The following TMEM132B variants were observed in gnomAD, a reference collection of about 807,000 sequenced individuals.
TMEM132B encodes the protein transmembrane protein 132B.
TMEM132B carries 18 observed loss-of-function variants against 90.8 expected under a neutral mutation model. The ratio of observed to expected loss-of-function variants is 0.20; its 90% confidence interval spans 0.14 to 0.29. The LOEUF is 0.29. Among genes scored for constraint, TMEM132B ranks in the 10% least tolerant of loss-of-function variants. The probability of loss-of-function intolerance (pLI) is 1.00; values close to 1 mark genes in which losing one functional copy is unlikely to be tolerated. For missense variants in TMEM132B, 1,096 were observed against 1,326.8 expected, an observed-to-expected ratio of 0.83 and a Z score of 2.70; for synonymous variants, 504 against 523.3, an observed-to-expected ratio of 0.96 and a Z score of 0.50.
At chr12:125,268,152 C>T (rs1334360196) in intron 1 of TMEM132B, among the ~76,000 whole-genome samples, 1 of 152,230 alleles carries the variant, frequency 6.6e-6, no homozygotes, top group Non-Finnish European at 1.5e-5. Context: ...TATCCTCTGA[C>T]TGGCAGAGCT....
At chr12:125,284,913 CTATTA>C (rs999199622) in intron 1 of TMEM132B, among the ~76,000 whole-genome samples, 27 of 152,268 alleles carry the variant, frequency 1.8e-4, no homozygotes, top group African/African-American at 6.0e-4. Flanking sequence ...AGTCCTTATT[CTATTA>C]TATTAACTAC....
In TMEM132B at chr12:125,519,504, C is replaced by A. The variant is rs761700038; in HGVS notation, c.1172C>A (p.Ala391Asp). The A allele has an allele frequency of 1.2e-6, 2 of 1,614,084 alleles. No homozygotes were observed. The highest frequency in any genetic ancestry group is 1.7e-6 in the Non-Finnish European group (2 of 1,179,990). The change falls in exon 4 of 9, where the codon GCT (alanine) becomes GAT (aspartate). Residue 391 changes from alanine to aspartate, a missense_variant. Physicochemically the swap from Ala to Asp is moderately radical, Grantham distance 126. Coordinates refer to ENST00000682704, the MANE Select transcript of TMEM132B (RefSeq NM_001366854.1). ...GGAATTGATAATAGCAGTGACCTGG[C>A]TGGGGCCCAGCAGATTACCTGGCAG... ...DFGIDNSSDLAGAQQITWQVE... is the reference protein window; with the variant it reads ...DFGIDNSSDLDGAQQITWQVE...
chr12:125,400,892 A>G (rs1879300905), intron 2 of TMEM132B, among the ~76,000 whole-genome samples: 2 of 152,146 alleles, frequency 1.3e-5, no homozygotes, highest in South Asian at 4.1e-4. Flanking sequence ...CCCAAACAGT[A>G]TTGCCCACAG....
intron 4 of TMEM132B, among the ~76,000 whole-genome samples, chr12:125,569,081 G>A (rs1256657898): frequency 6.6e-6 from 1 of 152,140 alleles, no homozygotes; most frequent in African/African-American, 2.4e-5. Flanking sequence ...GGTAATGACA[G>A]TAGCTGCTCT....
intron 4 of TMEM132B, among the ~76,000 whole-genome samples, chr12:125,538,125 A>T (rs1015259574): frequency 1.3e-5 from 2 of 152,192 alleles, no homozygotes; most frequent in African/African-American, 4.8e-5. Context: ...TTGGATGGAA[A>T]CATTGTCGAT....
intron 2 of TMEM132B, among the ~76,000 whole-genome samples, chr12:125,394,349 G>A (rs1302098649): frequency 2.0e-5 from 3 of 152,334 alleles, no homozygotes; most frequent in South Asian, 2.1e-4. Flanking sequence ...AGGGGAGAGC[G>A]TTAAGGTGGG....
intron 1 of TMEM132B, among the ~76,000 whole-genome samples, chr12:125,279,921 A>G (rs915131329): frequency 6.6e-6 from 1 of 152,232 alleles, no homozygotes; most frequent in Non-Finnish European, 1.5e-5. Flanking sequence ...AAATTACACA[A>G]TGTGCCAGGT....
intron 2 of TMEM132B, among the ~76,000 whole-genome samples, chr12:125,363,672 T>C (rs199605191): frequency 1.0e-3 from 152 of 152,256 alleles, no homozygotes; most frequent in African/African-American, 3.6e-3. Flanking sequence ...GTACTTCTTT[T>C]CAATGATCTT....
intron 3 of TMEM132B, among the ~76,000 whole-genome samples, chr12:125,453,838 A>G (rs1881219499): frequency 6.6e-6 from 1 of 152,158 alleles, no homozygotes; most frequent in Non-Finnish European, 1.5e-5. Flanking sequence ...CAGAGCATGC[A>G]GGATGCTCAG....
rs372354078 is a variant in TMEM132B, at chr12:125,653,810, C to T, written c.2352C>T (p.Ala784=). 6.9e-5 allele frequency: 112 copies of T among 1,614,018 alleles called. No individual in the cohort carries two copies. Among genetic ancestry groups the T allele is most frequent in the Middle Eastern group, 4.9e-4 (3 of 6,062 alleles). The change falls in exon 9 of 9, where the codon GCC becomes GCT. Residue 784 remains alanine (A), a synonymous_variant. Coordinates refer to ENST00000682704, the MANE Select transcript of TMEM132B (RefSeq NM_001366854.1). ...CQKTKRKSVL[A]VGKGNVKVKF... ...AGACCAAGAGGAAGAGTGTTCTTGC[C>T]GTGGGTAAAGGAAATGTCAAGGTCA...
chr12:125,469,010 A>G (rs1184731751), intron 3 of TMEM132B, among the ~76,000 whole-genome samples: 1 of 152,202 alleles, frequency 6.6e-6, no homozygotes, highest in African/African-American at 2.4e-5. Context: ...CTATCAAATC[A>G]TATTACCTGT....
chr12:125,267,593 T>C (rs1874725541), intron 1 of TMEM132B, among the ~76,000 whole-genome samples: 1 of 152,152 alleles, frequency 6.6e-6, no homozygotes, highest in African/African-American at 2.4e-5. Context: ...GTTTCTCTAC[T>C]ATACAGAAAC....
intron 3 of TMEM132B, among the ~76,000 whole-genome samples, chr12:125,456,081 G>A (rs528029180): frequency 1.3e-5 from 2 of 152,266 alleles, no homozygotes; most frequent in Admixed American, 6.5e-5. Context: ...GTGGCAGGCC[G>A]AATTTGGCCC....
intron 3 of TMEM132B, among the ~76,000 whole-genome samples, chr12:125,514,388 GTCCCCGTC>G (rs1274129406): frequency 6.6e-6 from 1 of 152,160 alleles, no homozygotes; most frequent in Non-Finnish European, 1.5e-5. Flanking sequence ...GGAGTCAGAG[GTCCCCGTC>G]TCCCATTGTA....
intron 1 of TMEM132B, among the ~76,000 whole-genome samples, chr12:125,320,352 A>T (rs1457535949): frequency 6.6e-6 from 1 of 152,260 alleles, no homozygotes; most frequent in African/African-American, 2.4e-5. Flanking sequence ...ATTCATTCTT[A>T]TCGCTCTTAT....
intron 1 of TMEM132B, among the ~76,000 whole-genome samples, chr12:125,334,051 T>A (rs1046593704): frequency 7.2e-5 from 11 of 152,174 alleles, no homozygotes; most frequent in Non-Finnish European, 4.4e-5. Context: ...AAAGCCCTTT[T>A]CCTTCCTTCT....
chr12:125,595,752 A>T (rs1885424153), intron 5 of TMEM132B, among the ~76,000 whole-genome samples: 1 of 152,108 alleles, frequency 6.6e-6, no homozygotes, highest in East Asian at 1.9e-4. Flanking sequence ...CTGGGATTTG[A>T]GCCTTGGTAG....
intron 1 of TMEM132B, among the ~76,000 whole-genome samples, chr12:125,253,486 G>T (rs1874361326): frequency 6.8e-6 from 1 of 147,394 alleles, no homozygotes; most frequent in Admixed American, 6.8e-5. Context: ...CCAGGCTGGA[G>T]TGCAGTGGTA....
At chr12:125,295,742 T>C (rs933411834) in intron 1 of TMEM132B, among the ~76,000 whole-genome samples, 1 of 150,500 alleles carries the variant, frequency 6.6e-6, no homozygotes, top group Non-Finnish European at 1.5e-5. Context: ...GAGACCTGAC[T>C]CTACTGTGCA....
Sources: allele counts gnomAD v4.1 joint callset (sites outside exome capture counted in the v4.1 genomes callset), GRCh38; gene constraint gnomAD v4.1.1; transcripts MANE v1.5; gene names NCBI Gene and HGNC (gene_info 2026-07-23, HGNC 2026-07-21).